IL34: variants seen among roughly 807,000 people sequenced by gnomAD.
IL34 encodes the protein interleukin-34.
IL34 carries 17 observed loss-of-function variants against 25.3 expected under a neutral mutation model. That is an observed-to-expected ratio of 0.67 (90% CI 0.46 to 1.01). IL34 has a LOEUF of 1.01. Among genes scored for constraint, IL34 ranks in the 50% least tolerant of loss-of-function variants. The pLI is 0.00. For missense variants in IL34, 368 were observed against 312.9 expected (o/e 1.18, Z -1.33); for synonymous variants, 174 against 140.9 (o/e 1.23, Z -1.66).
intron 2 of IL34, 134 bp from the exon 3 acceptor site, chr16:70,656,468 A>G: frequency 1.4e-6 from 1 of 691,458 alleles, no homozygotes; most frequent in Middle Eastern, 2.5e-4. Context: ...TCCGTGAGCC[A>G]TGATGCTGCC....
chr16:70,597,286 T>A (rs1361754247), intron 1 of IL34, among the ~76,000 whole-genome samples: 1 of 151,932 alleles, frequency 6.6e-6, no homozygotes, highest in East Asian at 1.9e-4. Context: ...AGTGGCACGA[T>A]CATGGCTCCC....
chr16:70,654,515 C>G (rs781596741), intron 1 of IL34, 23 bp from the exon 2 acceptor site: 2 of 1,590,620 alleles, frequency 1.3e-6, no homozygotes, highest in Non-Finnish European at 1.7e-6. Flanking sequence ...TGCTCATGTG[C>G]TCTTGTCGGG....
chr16:70,658,036 T>G (rs1307756135), intron 4 of IL34, among the ~76,000 whole-genome samples: 4 of 152,152 alleles, frequency 2.6e-5, no homozygotes, highest in Non-Finnish European at 5.9e-5. Context: ...ATGCAGGCCG[T>G]GTGTGCGGTG....
intron 1 of IL34, among the ~76,000 whole-genome samples, chr16:70,636,148 C>G (rs1010298992): frequency 1.3e-5 from 2 of 151,830 alleles, no homozygotes; most frequent in African/African-American, 2.4e-5. Flanking sequence ...AAGTAATTCT[C>G]TTGCCTCAGC....
intron 1 of IL34, among the ~76,000 whole-genome samples, chr16:70,632,605 T>A (rs976468473): frequency 6.6e-6 from 1 of 152,098 alleles, no homozygotes; most frequent in Non-Finnish European, 1.5e-5. Context: ...GGCTTTCCAA[T>A]GGAGCATCTG....
At position 70,637,589 on chromosome 16, in the gene IL34, C is replaced by G. The variant is rs532285906; in HGVS notation, c.-400-8959C>G. ...AAACTCCTGACCTCAGATGATCTGC[C>G]CCCCCTCGACCTCCCAAAATGCTGG... On this transcript the variant is annotated intron_variant, in intron 1 of 6. Coordinates refer to the IL34 transcript ENST00000429149. Among the ~76,000 whole-genome samples the G allele has an allele frequency of 5.3e-4, 40 of 75,358 alleles. No homozygotes were observed. In the East Asian group the frequency reaches 0.014, roughly 27 times the overall value. The allele number at this position is 75,358 out of a possible 152,430, so 49.4% of individuals were successfully genotyped here.
rs371261725 is a variant in IL34, at chr16:70,618,769, G to T, written c.-400-27779G>T. Reference sequence around the variant, plus strand: ...TCACGTGTGTTTTTATGAGAATTATGCAGAGATAGGTAACAGATGAGGAAG... The same window carrying T: ...TCACGTGTGTTTTTATGAGAATTATTCAGAGATAGGTAACAGATGAGGAAG... On this transcript the variant is annotated intron_variant, in intron 1 of 6. Coordinates refer to the IL34 transcript ENST00000429149. Among the ~76,000 whole-genome samples, 19 of 152,276 alleles carry T rather than the reference G, an allele frequency of 1.2e-4. 1 individual carries two copies. In the South Asian group the frequency reaches 2.3e-3, roughly 18 times the overall value.
intron 1 of IL34, among the ~76,000 whole-genome samples, chr16:70,620,589 A>G (rs1267728766): frequency 1.3e-5 from 2 of 152,170 alleles, no homozygotes; most frequent in Non-Finnish European, 2.9e-5. Context: ...GACTGAGGGG[A>G]CAGGCGGGAG....
chr16:70,600,684 C>G (rs1265599938), intron 1 of IL34, among the ~76,000 whole-genome samples: 1 of 152,160 alleles, frequency 6.6e-6, no homozygotes, highest in African/African-American at 2.4e-5. Context: ...ATCAGTCGTG[C>G]ATTAGGCTTG....
chr16:70,628,499 T>TA (rs1331842330), intron 1 of IL34, among the ~76,000 whole-genome samples: 5 of 151,472 alleles, frequency 3.3e-5, no homozygotes, highest in African/African-American at 1.2e-4. Flanking sequence ...ATTTATTTTT[T>TA]TTTTTGAGAC....
intron 1 of IL34, among the ~76,000 whole-genome samples, chr16:70,612,440 G>C (rs1353237692): frequency 5.9e-5 from 9 of 152,142 alleles, no homozygotes; most frequent in Non-Finnish European, 1.0e-4. Flanking sequence ...CCAAGGCTGT[G>C]CTCCCAGATG....
At chr16:70,636,040 T>C (rs1324560987) in intron 1 of IL34, among the ~76,000 whole-genome samples, 1 of 151,812 alleles carries the variant, frequency 6.6e-6, no homozygotes, top group Admixed American at 6.6e-5. Context: ...TTTTTTTTTT[T>C]TTTTTAATTT....
chr16:70,628,469 TTTTA>T (rs765080002), intron 1 of IL34, among the ~76,000 whole-genome samples: 16 of 150,012 alleles, frequency 1.1e-4, no homozygotes, highest in East Asian at 7.7e-4. Context: ...GTGGGTTTGT[TTTTA>T]TTTATTTATT....
intron 1 of IL34, among the ~76,000 whole-genome samples, chr16:70,611,582 G>A (rs897214205): frequency 2.0e-5 from 3 of 151,970 alleles, no homozygotes; most frequent in Non-Finnish European, 4.4e-5. Flanking sequence ...TGAGCTCAGG[G>A]GTTTGAGACT....
intron 1 of IL34, among the ~76,000 whole-genome samples, chr16:70,604,929 T>C (rs1567441445): frequency 1.3e-5 from 2 of 148,964 alleles, no homozygotes; most frequent in East Asian, 1.9e-4. Context: ...TGTGTGTGTG[T>C]GCATGTCTGT....
At chr16:70,592,732 G>A (rs891957988) in intron 1 of IL34, among the ~76,000 whole-genome samples, 16 of 152,102 alleles carry the variant, frequency 1.1e-4, no homozygotes, top group African/African-American at 3.6e-4. Context: ...TGGGCTCACT[G>A]CAGCCTCTGC....
intron 1 of IL34, among the ~76,000 whole-genome samples, chr16:70,626,724 C>T (rs1363347821): frequency 6.6e-6 from 1 of 151,984 alleles, no homozygotes; most frequent in Non-Finnish European, 1.5e-5. Context: ...ATGTTTTCTT[C>T]TATTATTTTA....
At chr16:70,655,423 C>G (rs948505240) in intron 2 of IL34, among the ~76,000 whole-genome samples, 10 of 150,708 alleles carry the variant, frequency 6.6e-5, no homozygotes, top group Non-Finnish European at 1.0e-4. Context: ...GGGTCTTGCT[C>G]TGTTGCCCAG....
At chr16:70,600,308 C>T (rs997236750) in intron 1 of IL34, among the ~76,000 whole-genome samples, 2 of 152,110 alleles carry the variant, frequency 1.3e-5, no homozygotes, top group South Asian at 4.1e-4. Flanking sequence ...ATTTATTGTC[C>T]ACACCACAGA....
Sources: allele counts gnomAD v4.1 joint callset (sites outside exome capture counted in the v4.1 genomes callset), GRCh38; gene constraint gnomAD v4.1.1; transcripts MANE v1.5; gene names NCBI Gene and HGNC (gene_info 2026-07-23, HGNC 2026-07-21).